RIMBP2: variants seen among roughly 807,000 people sequenced by gnomAD.
RIMBP2 encodes RIMS binding protein 2, also known as RIMS-binding protein 2.
RIMBP2 carries 48 observed loss-of-function variants against 118.6 expected under a neutral mutation model. That is an observed-to-expected ratio of 0.40 (90% CI 0.32 to 0.51). The LOEUF is 0.51. Ranked by LOEUF, RIMBP2 falls within the 20% of genes least tolerant of loss-of-function variation. The pLI, the probability that RIMBP2 is intolerant of heterozygous loss-of-function variation, is 0.41. For synonymous variants in RIMBP2, 762 were observed against 742.9 expected (o/e 1.03, Z -0.42); for missense variants, 1,551 against 1,768.3 (o/e 0.88, Z 2.20).
intron 2 of RIMBP2, among the ~76,000 whole-genome samples, chr12:130,615,931 G>A (rs1451201217): frequency 6.6e-6 from 1 of 151,988 alleles, no homozygotes; most frequent in Admixed American, 6.6e-5. Context: ...GTCCCCATAC[G>A]CCTCTTAGAT....
intron 4 of RIMBP2, among the ~76,000 whole-genome samples, chr12:130,480,931 G>A (rs1051216718): frequency 1.1e-4 from 16 of 152,332 alleles, no homozygotes; most frequent in African/African-American, 3.1e-4. Flanking sequence ...TAGTTTTGGA[G>A]TCTTAAAGGC....
intron 2 of RIMBP2, among the ~76,000 whole-genome samples, chr12:130,577,955 C>T (rs1224182895): frequency 1.3e-5 from 2 of 152,182 alleles, no homozygotes; most frequent in Admixed American, 1.3e-4. Context: ...AATCATTTCA[C>T]AATGTCTACA....
At chr12:130,463,672 A>G (rs1394835223) in intron 6 of RIMBP2, among the ~76,000 whole-genome samples, 1 of 151,844 alleles carries the variant, frequency 6.6e-6, no homozygotes, top group East Asian at 1.9e-4. Context: ...GTCCAGGCTC[A>G]CCGGGTCACT....
intron 18 of RIMBP2, 24 bp downstream of exon 18, chr12:130,414,101 C>G: frequency 6.2e-7 from 1 of 1,613,144 alleles, no homozygotes; most frequent in Non-Finnish European, 8.5e-7. Context: ...CTGATGAAGC[C>G]GCCCGCAGGC....
At chr12:130,546,655 G>A (rs2055203620) in intron 2 of RIMBP2, among the ~76,000 whole-genome samples, 1 of 152,134 alleles carries the variant, frequency 6.6e-6, no homozygotes, top group South Asian at 2.1e-4. Flanking sequence ...TTATTTTCCA[G>A]AGACAACCTT....
chr12:130,638,287 A>G (rs546461585), intron 1 of RIMBP2, among the ~76,000 whole-genome samples: 1 of 152,376 alleles, frequency 6.6e-6, no homozygotes, highest in African/African-American at 2.4e-5. Flanking sequence ...ATACTGGAAT[A>G]ACTCAACACT....
chr12:130,681,273 A>C (rs1359211569), intron 1 of RIMBP2, among the ~76,000 whole-genome samples: 2 of 148,156 alleles, frequency 1.3e-5, no homozygotes, highest in Non-Finnish European at 3.0e-5. Flanking sequence ...GTGAGACCCT[A>C]TCTCTAAAAA....
chr12:130,616,155 CCAGA>C (rs2060920974), intron 2 of RIMBP2, among the ~76,000 whole-genome samples: 1 of 152,194 alleles, frequency 6.6e-6, no homozygotes, highest in Non-Finnish European at 1.5e-5. Flanking sequence ...ACGTTTCCCA[CCAGA>C]CAAATGGGGA....
intron 5 of RIMBP2, among the ~76,000 whole-genome samples, chr12:130,473,906 G>A (rs1392953763): frequency 9.3e-5 from 14 of 150,520 alleles, no homozygotes; most frequent in Admixed American, 8.0e-4. Context: ...AGTATCACAC[G>A]TTACATAATA....
intron 2 of RIMBP2, among the ~76,000 whole-genome samples, chr12:130,536,413 G>A (rs1030487906): frequency 7.9e-5 from 12 of 152,106 alleles, no homozygotes; most frequent in African/African-American, 2.7e-4. Context: ...CCAAGCTCTC[G>A]CTGGATTTTA....
In RIMBP2 at chr12:130,450,058, A is replaced by G; in HGVS notation, c.581+142T>C. On this transcript the variant is annotated intron_variant, in intron 9 of 22. Transcript: ENST00000690449. The surrounding 1 kb of genome is among the most constrained non-coding windows in gnomAD (Gnocchi z 4.8). ...AAACTCTCTCCACCGAACCCTGCTC[A>G]GCCTCCAGGCCAGGCTGAAATCCCA... The G allele has an allele frequency of 1.6e-6, 1 of 613,936 alleles. No individual in the cohort carries two copies. The allele number at this position is 613,936 out of a possible 1,614,324, so 38.0% of individuals were successfully genotyped here.
chr12:130,478,962 C>T lies in RIMBP2; in HGVS notation c.52G>A (p.Ala18Thr), dbSNP rs754459532. The change falls in exon 5 of 23, where the codon GCC becomes ACC. Residue 18 changes from alanine to threonine, a missense_variant. Physicochemically the swap from Ala to Thr is moderately conservative, Grantham distance 58 (BLOSUM62 0). Coordinates refer to ENST00000690449, the MANE Select transcript of RIMBP2 (RefSeq NM_001393629.1). ...TGCTTGGCACTGAGAACAGCCAGGG[C>T]CTGGTCATGCTCCAACTGCAGCTGC... ...RQQLQLEHDQ[A>T]LAVLSAKQQE... is the part of the protein sequence containing the mutation. The T allele has an allele frequency of 6.2e-7, 1 of 1,613,958 alleles. No homozygotes were observed. Among genetic ancestry groups the T allele is most frequent in the Non-Finnish European group, 8.5e-7 (1 of 1,179,972 alleles).
At chr12:130,569,408 G>A (rs565659339) in intron 2 of RIMBP2, among the ~76,000 whole-genome samples, 9 of 152,246 alleles carry the variant, frequency 5.9e-5, no homozygotes, top group South Asian at 2.1e-4. Flanking sequence ...AAAACTCACC[G>A]CACTCCAGTG....
Position 130,434,866 on chromosome 12 carries a change from G to A in RIMBP2, c.2121C>T (p.Ser707=), listed in dbSNP as rs1422492543. 14 of 1,606,004 alleles carry A rather than the reference G, an allele frequency of 8.7e-6. No individual in the cohort carries two copies. Among genetic ancestry groups the A allele is most frequent in the South Asian group, 1.1e-5 (1 of 90,252 alleles). The change falls in exon 14 of 23, where the codon AGC becomes AGT. Residue 707 remains serine, a synonymous_variant. Transcript: ENST00000690449. This position sits in a 1 kb window ranked among gnomAD's most constrained non-coding sequence, Gnocchi z 5.7. The part of the protein sequence containing the change: ...VAESSRLEKR[S]VFLERSSAGQ... ...CCGCGCTGCTTCTCTCTAGGAAGAC[G>A]CTCCTTTTCTCTAACTTGGAAAGAA...
Position 130,422,362 on chromosome 12 carries a change from C to A in RIMBP2, c.3238+91G>T. 1 of 779,560 alleles carries A rather than the reference C, an allele frequency of 1.3e-6. No homozygotes were observed. Among genetic ancestry groups the A allele is most frequent in the Non-Finnish European group, 2.1e-6 (1 of 480,822 alleles). The allele number at this position is 779,560 out of a possible 1,614,324, so 48.3% of individuals were successfully genotyped here. On this transcript the variant is annotated intron_variant, in intron 17 of 22. Transcript: ENST00000690449. The surrounding 1 kb of genome is among the most constrained non-coding windows in gnomAD (Gnocchi z 5.2). ...AGTGTTCTTTGCTTAGCGGAAAATGCTACTCCTAAAGTTTTGTTCATGCTT... is the reference window on the plus strand; with the variant it reads ...AGTGTTCTTTGCTTAGCGGAAAATGATACTCCTAAAGTTTTGTTCATGCTT...
At chr12:130,405,198 C>G (rs913453738) in intron 21 of RIMBP2, among the ~76,000 whole-genome samples, 1 of 151,930 alleles carries the variant, frequency 6.6e-6, no homozygotes. Flanking sequence ...AATGGAGAAG[C>G]AAACACACAC....
chr12:130,598,306 T>A (rs1184126259), intron 2 of RIMBP2, among the ~76,000 whole-genome samples: 2 of 152,208 alleles, frequency 1.3e-5, no homozygotes, highest in Non-Finnish European at 2.9e-5. Flanking sequence ...GGTCATTTTT[T>A]AATGAATTGA....
intron 21 of RIMBP2, among the ~76,000 whole-genome samples, chr12:130,402,971 T>G (rs1348277452): frequency 1.3e-5 from 2 of 152,132 alleles, no homozygotes; most frequent in African/African-American, 4.8e-5. Flanking sequence ...ATGTAAATTA[T>G]GAAATAGCAA....
chr12:130,690,865 G>A (rs2065278817), intron 1 of RIMBP2, among the ~76,000 whole-genome samples: 1 of 152,028 alleles, frequency 6.6e-6, no homozygotes, highest in Non-Finnish European at 1.5e-5. Flanking sequence ...CCTGGTGAGG[G>A]ACATCTTCCT....
Sources: gnomAD v4.1 joint callset for allele counts (sites outside exome capture counted in the v4.1 genomes callset) on GRCh38, gnomAD v4.1.1 for gene constraint, Gnocchi (gnomAD v3.1) non-coding constraint, MANE v1.5 for transcripts, NCBI Gene and HGNC (gene_info 2026-07-23, HGNC 2026-07-21) for gene names.